MYO1E: variants seen among roughly 807,000 people sequenced by gnomAD.
MYO1E encodes the protein unconventional myosin-Ie.
Under a neutral mutation model 151.1 loss-of-function variants are expected in MYO1E, and 68 were observed. The observed-to-expected ratio is 0.45, with a 90% CI of 0.37 to 0.55. MYO1E has a LOEUF of 0.55. Among genes scored for constraint, MYO1E ranks in the 20% least tolerant of loss-of-function variants. The pLI is 0.00. For missense variants in MYO1E, 1,363 were observed against 1,389.3 expected, an observed-to-expected ratio of 0.98 and a Z score of 0.30; for synonymous variants, 601 against 501.7, an observed-to-expected ratio of 1.20 and a Z score of -2.64.
chr15:59,221,810 T>A (rs1052688542), intron 9 of MYO1E, among the ~76,000 whole-genome samples: 1 of 152,136 alleles, frequency 6.6e-6, no homozygotes, highest in Non-Finnish European at 1.5e-5. Context: ...ATGATTTTGT[T>A]TTCAAGCATA....
intron 9 of MYO1E, 128 bp downstream of exon 9, chr15:59,222,931 G>C (rs2079965068): frequency 7.1e-6 from 10 of 1,408,052 alleles, no homozygotes; most frequent in African/African-American, 1.4e-5. Context: ...GTTTGCCACA[G>C]AGGACATGTA....
chr15:59,249,292 G>C (rs2080149875), intron 4 of MYO1E, among the ~76,000 whole-genome samples: 2 of 152,080 alleles, frequency 1.3e-5, no homozygotes, highest in South Asian at 4.2e-4. Context: ...GGGTGTGGTG[G>C]CAGGTGCCTG....
At chr15:59,329,741 A>C (rs1179392525) in intron 1 of MYO1E, among the ~76,000 whole-genome samples, 1 of 152,228 alleles carries the variant, frequency 6.6e-6, no homozygotes, top group Non-Finnish European at 1.5e-5. Context: ...TCTTTAAAAG[A>C]GCAAACCACA....
intron 17 of MYO1E, 28 bp downstream of exon 17, chr15:59,195,433 C>A (rs545738120): frequency 6.3e-7 from 1 of 1,576,512 alleles, no homozygotes; most frequent in African/African-American, 1.3e-5. Flanking sequence ...AAGGTCCCGG[C>A]CCCACCTAAG....
At chr15:59,146,272 G>A (rs556816461) in intron 26 of MYO1E, among the ~76,000 whole-genome samples, 35 of 152,216 alleles carry the variant, frequency 2.3e-4, no homozygotes, top group Non-Finnish European at 3.1e-4. Flanking sequence ...ATTGAAAATC[G>A]TGTTATAAAA....
At chr15:59,190,627 C>G (rs2079727054) in intron 17 of MYO1E, among the ~76,000 whole-genome samples, 1 of 152,228 alleles carries the variant, frequency 6.6e-6, no homozygotes, top group Admixed American at 6.5e-5. Context: ...TGCATTCCTG[C>G]TGCGCCACTG....
At position 59,154,201 on chromosome 15, in the gene MYO1E, T is replaced by C. The variant is rs374214220; in HGVS notation, c.2879-410A>G. 1.2e-3 allele frequency among the ~76,000 whole-genome samples: 186 copies of C among 151,990 alleles called. 1 individual carries two copies. Among genetic ancestry groups the C allele is most frequent in the African/African-American group, 4.4e-3 (181 of 41,454 alleles). ...GACACCTTCTTGGGCCTAAGAAAAA[T>C]TATGAGATTATGACTCAAGAGGGCT... is the stretch of plus-strand genomic sequence containing the variant. On this transcript the variant is annotated intron_variant, in intron 25 of 27. Transcript: ENST00000288235.
At chr15:59,366,310 T>TTC (rs1182750782) in intron 1 of MYO1E, among the ~76,000 whole-genome samples, 4 of 128,444 alleles carry the variant, frequency 3.1e-5, no homozygotes, top group East Asian at 2.4e-4. Flanking sequence ...CTCTCTCTCT[T>TTC]TCTCTCTCTC....
At chr15:59,176,383 T>C (rs557238042) in intron 19 of MYO1E, among the ~76,000 whole-genome samples, 49 of 151,902 alleles carry the variant, frequency 3.2e-4, no homozygotes, top group African/African-American at 1.2e-3. Flanking sequence ...TTAAAGCAAA[T>C]AGGTAATTTT....
intron 17 of MYO1E, among the ~76,000 whole-genome samples, chr15:59,192,006 C>T (rs2079737210): frequency 6.6e-6 from 1 of 152,192 alleles, no homozygotes; most frequent in Admixed American, 6.5e-5. Flanking sequence ...CCCTACACCT[C>T]ATAAACTTGT....
chr15:59,173,611 T>C (rs1345488618), intron 21 of MYO1E, 135 bp downstream of exon 21: 1 of 1,005,992 alleles, frequency 9.9e-7, no homozygotes, highest in East Asian at 2.5e-5. Context: ...GTTTATCTTT[T>C]GGTTTACTGT....
Position 59,171,969 on chromosome 15 carries a change from G to A in MYO1E, c.2408C>T (p.Pro803Leu). 6.2e-7 allele frequency: 1 copy of A among 1,614,176 alleles called. No individual in the cohort carries two copies. Among genetic ancestry groups the A allele is most frequent in the Non-Finnish European group, 8.5e-7 (1 of 1,180,036 alleles). Residue 803 changes from proline to leucine, a missense_variant, in exon 22 of 28, where the codon CCA becomes CTA. Physicochemically the swap from Pro to Leu is moderately conservative, Grantham distance 98 (BLOSUM62 -3). Transcript: ENST00000288235. Reference sequence around the variant, plus strand: ...GACTTCTTTCACCAGGCCCTTGTCTGGGCCCTGTTTGACTTTTTCTCGTCC... The same window carrying A: ...GACTTCTTTCACCAGGCCCTTGTCTAGGCCCTGTTTGACTTTTTCTCGTCC... Reference protein sequence around the residue: ...LIGREKVKQGPDKGLVKEVLK... With the variant: ...LIGREKVKQGLDKGLVKEVLK...
intron 1 of MYO1E, among the ~76,000 whole-genome samples, chr15:59,329,349 G>A (rs1478280391): frequency 6.6e-6 from 1 of 152,122 alleles, no homozygotes; most frequent in African/African-American, 2.4e-5. Flanking sequence ...TACCTAACGT[G>A]CCATAGCTAG....
At chr15:59,338,619 C>T (rs902502813) in intron 1 of MYO1E, among the ~76,000 whole-genome samples, 1 of 152,102 alleles carries the variant, frequency 6.6e-6, no homozygotes, top group Non-Finnish European at 1.5e-5. Context: ...AACCACCCTG[C>T]TAAGCTGGGA....
chr15:59,366,927 T>G (rs532923955), intron 1 of MYO1E, among the ~76,000 whole-genome samples: 1 of 143,564 alleles, frequency 7.0e-6, no homozygotes, highest in South Asian at 2.2e-4. Flanking sequence ...AAAAAAAAAG[T>G]TTTTAAAAAC....
At chr15:59,361,987 C>A (rs1209007068) in intron 1 of MYO1E, among the ~76,000 whole-genome samples, 1 of 152,080 alleles carries the variant, frequency 6.6e-6, no homozygotes, top group East Asian at 1.9e-4. Context: ...CGGGCGTCTA[C>A]CACCACGCCA....
intron 26 of MYO1E, among the ~76,000 whole-genome samples, chr15:59,141,976 G>A (rs527562591): frequency 2.6e-5 from 4 of 151,714 alleles, no homozygotes; most frequent in East Asian, 1.9e-4. Context: ...GCGTGGTGGC[G>A]GGCGCTTGTA....
chr15:59,195,120 G>A (rs1223325351), intron 17 of MYO1E, among the ~76,000 whole-genome samples: 2 of 152,176 alleles, frequency 1.3e-5, no homozygotes, highest in Non-Finnish European at 2.9e-5. Context: ...ATCAGGGGCT[G>A]GGTGGACTAA....
At chr15:59,298,214 T>G (rs1346600538) in intron 1 of MYO1E, among the ~76,000 whole-genome samples, 2 of 152,208 alleles carry the variant, frequency 1.3e-5, no homozygotes, top group African/African-American at 4.8e-5. Context: ...CTGAAAAAAT[T>G]TACATTTACA....
Sources: allele counts gnomAD v4.1 joint callset (sites outside exome capture counted in the v4.1 genomes callset), GRCh38; gene constraint gnomAD v4.1.1; transcripts MANE v1.5; gene names NCBI Gene and HGNC (gene_info 2026-07-23, HGNC 2026-07-21).